Variants in CNTNAP2 observed in about 807,000 individuals in gnomAD.
CNTNAP2 encodes contactin associated protein 2, also known as contactin-associated protein-like 2.
Under a neutral mutation model 155.2 loss-of-function variants are expected in CNTNAP2, and 98 were observed. That is an observed-to-expected ratio of 0.63 (90% CI 0.54 to 0.75). The LOEUF is 0.75. CNTNAP2 is among the 30% of genes least tolerant of loss of function. The pLI is 0.00. For synonymous variants in CNTNAP2, 651 were observed against 631.2 expected (o/e 1.03, Z -0.47); for missense variants, 1,727 against 1,688.1 (o/e 1.02, Z -0.40).
intron 3 of CNTNAP2, among the ~76,000 whole-genome samples, chr7:146,973,775 C>T (rs1248431357): frequency 6.6e-6 from 1 of 152,200 alleles, no homozygotes; most frequent in African/African-American, 2.4e-5. Flanking sequence ...CTCTCATATT[C>T]TTCCCAATTG....
intron 1 of CNTNAP2, among the ~76,000 whole-genome samples, chr7:146,707,403 A>G (rs564443467): frequency 1.3e-5 from 2 of 152,308 alleles, no homozygotes; most frequent in South Asian, 2.1e-4. Flanking sequence ...CAATGACTAC[A>G]TGTTGAACAC....
At chr7:147,472,493 G>A (rs1040795761) in intron 10 of CNTNAP2, among the ~76,000 whole-genome samples, 2 of 152,090 alleles carry the variant, frequency 1.3e-5, no homozygotes, top group Admixed American at 6.6e-5. Flanking sequence ...GATTACAGGC[G>A]TGAGCCACCA....
At chr7:146,958,891 C>T (rs979714590) in intron 3 of CNTNAP2, among the ~76,000 whole-genome samples, 5 of 152,044 alleles carry the variant, frequency 3.3e-5, no homozygotes, top group African/African-American at 9.7e-5. Context: ...TAGAAATCCT[C>T]TTCTTATCAT....
intron 1 of CNTNAP2, among the ~76,000 whole-genome samples, chr7:146,642,258 T>C (rs1324974612): frequency 6.0e-5 from 9 of 150,998 alleles, no homozygotes; most frequent in African/African-American, 1.5e-4. Context: ...ACTGCACCCA[T>C]TAACTCATCA....
chr7:147,926,201 A>G (rs1253991418), intron 14 of CNTNAP2, among the ~76,000 whole-genome samples: 1 of 152,118 alleles, frequency 6.6e-6, no homozygotes, highest in Non-Finnish European at 1.5e-5. Flanking sequence ...GGCAAAGGGA[A>G]AAAGAGATTA....
chr7:147,359,023 C>G (rs1796106831), intron 9 of CNTNAP2, among the ~76,000 whole-genome samples: 1 of 152,138 alleles, frequency 6.6e-6, no homozygotes, highest in African/African-American at 2.4e-5. Flanking sequence ...TTATACCTGG[C>G]ACACTTCATT....
At chr7:147,292,322 T>A (rs1805332836) in intron 8 of CNTNAP2, among the ~76,000 whole-genome samples, 1 of 152,192 alleles carries the variant, frequency 6.6e-6, no homozygotes, top group African/African-American at 2.4e-5. Flanking sequence ...CTTGGTGCCT[T>A]TGTTAAAAAA....
At chr7:146,485,976 G>T (rs1206236304) in intron 1 of CNTNAP2, among the ~76,000 whole-genome samples, 4 of 134,906 alleles carry the variant, frequency 3.0e-5, no homozygotes, top group African/African-American at 1.1e-4. Flanking sequence ...AAGATTGCAT[G>T]TTTTTCTTTG....
intron 1 of CNTNAP2, among the ~76,000 whole-genome samples, chr7:146,457,550 G>C (rs1170730970): frequency 3.8e-5 from 5 of 129,968 alleles, no homozygotes; most frequent in Non-Finnish European, 6.3e-5. Flanking sequence ...ACCCAGGCTG[G>C]AGTGGTGCAG....
chr7:146,203,545 C>T (rs1039283457), intron 1 of CNTNAP2, among the ~76,000 whole-genome samples: 15 of 152,118 alleles, frequency 9.9e-5, no homozygotes, highest in East Asian at 1.9e-4. Flanking sequence ...TTCGAATATC[C>T]GGAAGCTCTT....
chr7:146,416,898 A>G (rs892289084), intron 1 of CNTNAP2, among the ~76,000 whole-genome samples: 1 of 152,118 alleles, frequency 6.6e-6, no homozygotes, highest in Non-Finnish European at 1.5e-5. Flanking sequence ...TAAAAATACA[A>G]TACAATAATG....
chr7:148,028,135 T>C (rs1802406171), intron 15 of CNTNAP2, among the ~76,000 whole-genome samples: 1 of 152,186 alleles, frequency 6.6e-6, no homozygotes, highest in African/African-American at 2.4e-5. Context: ...CCTTTAAAAA[T>C]GTAATTGTAC....
At chr7:148,253,064 G>GATAGATAGATAGATAT (rs1329355345) in intron 20 of CNTNAP2, among the ~76,000 whole-genome samples, 3 of 151,980 alleles carry the variant, frequency 2.0e-5, no homozygotes, top group Non-Finnish European at 4.4e-5. Context: ...ATGATAGATA[G>GATAGATAGATAGATAT]ATAGATAGAT....
chr7:148,291,688 CAGTT>C (rs1317388381), intron 21 of CNTNAP2, among the ~76,000 whole-genome samples: 4 of 152,126 alleles, frequency 2.6e-5, no homozygotes, highest in Admixed American at 1.3e-4. Context: ...ATCAAGTTGA[CAGTT>C]AGTATTAACC....
At chr7:147,457,804 C>A (rs1468906806) in intron 10 of CNTNAP2, among the ~76,000 whole-genome samples, 2 of 151,684 alleles carry the variant, frequency 1.3e-5, no homozygotes, top group Non-Finnish European at 2.9e-5. Flanking sequence ...AAATACTAAG[C>A]AATATCTATG....
chr7:146,899,705 AT>A (rs1795953159), intron 3 of CNTNAP2, among the ~76,000 whole-genome samples: 1 of 152,108 alleles, frequency 6.6e-6, no homozygotes, highest in Non-Finnish European at 1.5e-5. Context: ...AGGTCCTCAA[AT>A]TTTTCTCTGC....
At chr7:146,667,610 T>C (rs533388213) in intron 1 of CNTNAP2, among the ~76,000 whole-genome samples, 1 of 152,220 alleles carries the variant, frequency 6.6e-6, no homozygotes, top group Admixed American at 6.5e-5. Flanking sequence ...ATGAGTATGA[T>C]GTATCTTTCT....
chr7:146,828,578 A>C (rs914414431), intron 2 of CNTNAP2, among the ~76,000 whole-genome samples: 1 of 152,066 alleles, frequency 6.6e-6, no homozygotes, highest in Non-Finnish European at 1.5e-5. Context: ...TTGACATCTG[A>C]CTACCTGCAT....
Position 148,365,889 on chromosome 7 carries a change from T to C in CNTNAP2, c.3476-17760T>C, listed in dbSNP as rs1798747333. Among the ~76,000 whole-genome samples, 2 of 40,372 alleles carry C rather than the reference T, an allele frequency of 5.0e-5. 1 individual carries two copies. Among genetic ancestry groups the C allele is most frequent in the African/African-American group, 1.3e-4 (2 of 15,294 alleles). 26.5% of individuals were successfully genotyped at this position (40,372 alleles called of 152,430 possible). The stretch of plus-strand genomic sequence containing the variant: ...GTATGTGTATGCATGTATACATGTA[T>C]GTGTATGCATGTATACATGCGTGTA... On this transcript the variant is annotated intron_variant, in intron 21 of 23. Transcript: ENST00000361727.
Sources: gnomAD v4.1 joint callset for allele counts (sites outside exome capture counted in the v4.1 genomes callset) on GRCh38, gnomAD v4.1.1 for gene constraint, MANE v1.5 for transcripts, NCBI Gene and HGNC (gene_info 2026-07-23, HGNC 2026-07-21) for gene names.